The following AMBN variants were observed in gnomAD, a reference collection of about 807,000 sequenced individuals.
AMBN encodes ameloblastin.
In AMBN, 54 loss-of-function variants were observed where a neutral mutation model predicts 48.0. The ratio of observed to expected loss-of-function variants is 1.12; its 90% CI spans 0.90 to 1.41. The LOEUF is 1.41. Among genes scored for constraint, AMBN ranks in the 40% most tolerant of loss-of-function variants. The pLI is 0.00. For synonymous variants in AMBN, 186 were observed against 190.0 expected, an observed-to-expected ratio of 0.98 and a Z score of 0.17; for missense variants, 571 against 547.3, an observed-to-expected ratio of 1.04 and a Z score of -0.43.
chr4:70,603,542 CA>C, intron 11 of AMBN, 82 bp downstream of exon 11: 1 of 1,324,050 alleles, frequency 7.6e-7, no homozygotes, highest in Non-Finnish European at 1.1e-6. Flanking sequence ...AGGTCTCACA[CA>C]AGAGATTCCA....
intron 1 of AMBN, among the ~76,000 whole-genome samples, chr4:70,592,902 G>A (rs1450681256): frequency 2.0e-5 from 3 of 152,118 alleles, no homozygotes; most frequent in African/African-American, 4.8e-5. Context: ...TGACTTAGTT[G>A]CATTACATTT....
rs1388306806 is a variant in AMBN at position 70,603,314 on chromosome 4, T to A, written c.703T>A (p.Ser235Thr). The change falls in exon 10 of 13, where the codon TCT becomes ACT. Residue 235 changes from serine to threonine, a missense_variant. Physicochemically the swap from Ser to Thr is moderately conservative, Grantham distance 58. Coordinates refer to ENST00000322937, the MANE Select transcript of AMBN (RefSeq NM_016519.6). ...CGGACCAATGCCACAAAATAAACAATCTCCAGTAAGTTTTTTTTAATACCA... is the reference window on the plus strand; with the variant it reads ...CGGACCAATGCCACAAAATAAACAAACTCCAGTAAGTTTTTTTTAATACCA... ...SHGPMPQNKQ[S>T]PLYPGMLYVP... 1 of 1,613,648 alleles carries A rather than the reference T, an allele frequency of 6.2e-7. No individual in the cohort carries two copies.
chr4:70,602,717 T>C, intron 7 of AMBN, 55 bp downstream of exon 7: 1 of 1,501,794 alleles, frequency 6.7e-7, no homozygotes, highest in Non-Finnish European at 9.0e-7. Context: ...AATTTTTATT[T>C]GTTCACTTTT....
chr4:70,595,339 C>T (rs1737364157), intron 2 of AMBN, among the ~76,000 whole-genome samples: 1 of 152,076 alleles, frequency 6.6e-6, no homozygotes, highest in South Asian at 2.1e-4. Flanking sequence ...AGGCACGTGT[C>T]ACCACGCCCA....
rs764722872 is a variant in AMBN at position 70,603,899 on chromosome 4, T to A, written c.776T>A (p.Ile259Asn). ...NQLNAPARLG[I>N]MSSEEVAGGR... ...CAGAATGCCCCTGCCAGACTTGGCA[T>A]CATGAGTTCAGAAGAAGTGGCAGTG... is the stretch of plus-strand genomic sequence containing the variant. The change falls in exon 12 of 13, where the codon ATC becomes AAC. Residue 259 changes from isoleucine to asparagine, a missense_variant. Transcript: ENST00000322937. The A allele has an allele frequency of 3.0e-5, 48 of 1,613,926 alleles. No homozygotes were observed. Among genetic ancestry groups the A allele is most frequent in the Non-Finnish European group, 3.9e-5 (46 of 1,179,960 alleles).
chr4:70,601,618 G>C lies in AMBN; in HGVS notation c.495G>C (p.Gln165His). The C allele has an allele frequency of 1.9e-6, 3 of 1,614,150 alleles. No homozygotes were observed. The South Asian group carries it at 3.3e-5, about 18-fold the overall frequency. ...LQEGELPLVQQQVAPSDKPPK... is the reference protein window; with the variant it reads ...LQEGELPLVQHQVAPSDKPPK... Reference sequence around the variant, plus strand: ...AAGGAGAACTGCCTCTGGTTCAGCAGCAGGTGGCACCATCAGATAAGCCAC... The same window carrying C: ...AAGGAGAACTGCCTCTGGTTCAGCACCAGGTGGCACCATCAGATAAGCCAC... Residue 165 changes from glutamine (Q) to histidine (H), a missense_variant, in exon 6 of 13, where the codon CAG becomes CAC. By Grantham distance (24) the Gln-to-His change is conservative. Transcript: ENST00000322937.
chr4:70,606,188 G>C lies in AMBN; in HGVS notation c.802G>C (p.Gly268Arg). Residue 268 changes from glycine (G) to arginine (R), a missense_variant, in exon 13 of 13, where the codon GGG (glycine) becomes CGG (arginine). By Grantham distance (125) the Gly-to-Arg change is moderately radical (BLOSUM62 -2). Transcript: ENST00000322937. ...TGACGAATGTTTTTTTTTCCAGGGC[G>C]GGAGAGAAGACCCAATGGCCTATGG... is the stretch of plus-strand genomic sequence containing the variant. ...GIMSSEEVAG[G>R]REDPMAYGAM... 3.7e-6 allele frequency: 6 copies of C among 1,612,806 alleles called. No homozygotes were observed. Among genetic ancestry groups the C allele is most frequent in the Non-Finnish European group, 5.1e-6 (6 of 1,179,346 alleles).
At position 70,606,398 on chromosome 4, in the gene AMBN, A is replaced by C. The variant is rs1737650154; in HGVS notation, c.1012A>C (p.Asn338His). The change falls in exon 13 of 13, where the codon AAC becomes CAC. Residue 338 changes from asparagine to histidine, a missense_variant. Transcript: ENST00000322937. ...GGAGGCCAACCCAGACAATCTAGAA[A>C]ACCCAGCTTTCCTTACAGAGCTAGA... ...MPEANPDNLENPAFLTELEPA... is the reference protein window; with the variant it reads ...MPEANPDNLEHPAFLTELEPA... The C allele has an allele frequency of 6.2e-7, 1 of 1,613,830 alleles. No homozygotes were observed. Among genetic ancestry groups the C allele is most frequent in the Admixed American group, 1.7e-5 (1 of 59,988 alleles).
In AMBN at chr4:70,599,585, G is replaced by A. The variant is rs145763811; in HGVS notation, c.233G>A (p.Gly78Asp). Residue 78 changes from glycine to aspartate, a missense_variant, in exon 5 of 13, where the codon GGT becomes GAT. Coordinates refer to ENST00000322937, the MANE Select transcript of AMBN (RefSeq NM_016519.6). ...GKSFNSLWMHGLLPPHSSLPW... is the reference protein window; with the variant it reads ...GKSFNSLWMHDLLPPHSSLPW... Reference sequence around the variant, plus strand: ...TCATTTAATTCTTTGTGGATGCACGGTCTCCTCCCACCACATTCCTCTCTT... The same window carrying A: ...TCATTTAATTCTTTGTGGATGCACGATCTCCTCCCACCACATTCCTCTCTT... 6.2e-7 allele frequency: 1 copy of A among 1,613,590 alleles called. No individual in the cohort carries two copies.
At chr4:70,594,483 CTCACAG>C (rs1181647387) in intron 2 of AMBN, among the ~76,000 whole-genome samples, 1 of 152,194 alleles carries the variant, frequency 6.6e-6, no homozygotes, top group African/African-American at 2.4e-5. Context: ...TCTCCAGTAG[CTCACAG>C]TTGGCCTCAA....
In AMBN at chr4:70,606,613, G is replaced by A. The variant is rs1737660956; in HGVS notation, c.1227G>A (p.Gln409=). 1 of 1,614,030 alleles carries A rather than the reference G, an allele frequency of 6.2e-7. No homozygotes were observed. The change falls in exon 13 of 13, where the codon CAG becomes CAA. Residue 409 remains glutamine (Q), a synonymous_variant. Transcript: ENST00000322937. ...DADMTTSVDF[Q]EEATMDTTMA... The stretch of plus-strand genomic sequence containing the variant: ...ACATGACCACATCCGTGGATTTCCA[G>A]GAAGAAGCAACCATGGATACCACGA...
rs1222258739 is a variant in AMBN at position 70,606,794 on chromosome 4, C to A, written c.*64C>A. The A allele has an allele frequency of 1.1e-5, 17 of 1,518,430 alleles. No homozygotes were observed. Among genetic ancestry groups the A allele is most frequent in the Admixed American group, 1.1e-4 (5 of 47,444 alleles). 94.1% of individuals were successfully genotyped at this position (1,518,430 alleles called of 1,614,324 possible). ...TTCCCAGCTTTGTCCCCACAGTGTA[C>A]CTTTTTGCTAAAACACTTATTACCC... On this transcript the variant is annotated 3_prime_UTR_variant, in exon 13 of 13. Transcript: ENST00000322937.
At chr4:70,593,637 G>A (rs1737324330) in intron 2 of AMBN, among the ~76,000 whole-genome samples, 1 of 152,180 alleles carries the variant, frequency 6.6e-6, no homozygotes, top group African/African-American at 2.4e-5. Flanking sequence ...GGTTGAGGCA[G>A]GAGGATGACC....
intron 5 of AMBN, among the ~76,000 whole-genome samples, chr4:70,600,354 C>A (rs1041427317): frequency 6.6e-6 from 1 of 151,554 alleles, no homozygotes; most frequent in Non-Finnish European, 1.5e-5. Context: ...ATGAACCCTA[C>A]AGAAGTCAAT....
intron 2 of AMBN, among the ~76,000 whole-genome samples, chr4:70,594,457 A>G (rs1737348259): frequency 6.6e-6 from 1 of 152,244 alleles, no homozygotes; most frequent in Admixed American, 6.5e-5. Flanking sequence ...GAAAGTAAAT[A>G]AGACATGATC....
chr4:70,601,539 C>A lies in AMBN; in HGVS notation c.416C>A (p.Ala139Glu), dbSNP rs764459313. Residue 139 changes from alanine to glutamate, a missense_variant, in exon 6 of 13, where the codon GCA (alanine) becomes GAA (glutamate). Physicochemically the swap from Ala to Glu is moderately radical, Grantham distance 107 (BLOSUM62 -1). Coordinates refer to ENST00000322937, the MANE Select transcript of AMBN (RefSeq NM_016519.6). ...GCTGCAACCACCAACCAGGCCACAG[C>A]ACTGAAAGAAGCACTTCAGCCTCCA... ...SAAATTNQAT[A>E]LKEALQPPIH... is the part of the protein sequence containing the mutation. The A allele has an allele frequency of 5.5e-5, 89 of 1,614,066 alleles. No individual in the cohort carries two copies. The highest frequency in any genetic ancestry group is 7.2e-5 in the Non-Finnish European group (85 of 1,180,006).
chr4:70,601,706 A>G (rs1326893542), intron 6 of AMBN, 52 bp downstream of exon 6: 1 of 1,547,008 alleles, frequency 6.5e-7, no homozygotes, highest in Non-Finnish European at 8.8e-7. Context: ...ACCTAATAGA[A>G]GAAAACGAAT....
At position 70,593,096 on chromosome 4, in the gene AMBN, A is replaced by G. The variant is rs115538991; in HGVS notation, c.16-231A>G. 1.3e-3 allele frequency among the ~76,000 whole-genome samples: 200 copies of G among 152,320 alleles called. 1 individual carries two copies. The highest frequency in any genetic ancestry group is 2.5e-3 in the Non-Finnish European group (173 of 68,026). On this transcript the variant is annotated intron_variant, in intron 1 of 12. Transcript: ENST00000322937. ...TCCTACATACTTATTTAGGCTGTAGATCCATTTAAAACGTGCTTAGATATT... is the reference window on the plus strand; with the variant it reads ...TCCTACATACTTATTTAGGCTGTAGGTCCATTTAAAACGTGCTTAGATATT...
At chr4:70,605,598 A>ATT (rs56877949) in intron 12 of AMBN, among the ~76,000 whole-genome samples, 1 of 151,814 alleles carries the variant, frequency 6.6e-6, no homozygotes, top group African/African-American at 2.4e-5. Context: ...GGGAAGTCAC[A>ATT]TTTTTTTTCT....
Sources: gnomAD v4.1 joint callset for allele counts (sites outside exome capture counted in the v4.1 genomes callset) on GRCh38, gnomAD v4.1.1 for gene constraint, MANE v1.5 for transcripts, NCBI Gene and HGNC (gene_info 2026-07-23, HGNC 2026-07-21) for gene names.